GUCY1A2: variants seen among roughly 807,000 people sequenced by gnomAD.
GUCY1A2 encodes the protein guanylate cyclase soluble subunit alpha-2.
In GUCY1A2, 27 loss-of-function variants were observed where a neutral mutation model predicts 63.5. The observed-to-expected ratio is 0.43, with a 90% CI of 0.31 to 0.59. GUCY1A2 has a LOEUF of 0.59. Ranked by LOEUF, GUCY1A2 falls within the 20% of genes least tolerant of loss-of-function variation. GUCY1A2 has a pLI of 0.11. For synonymous variants in GUCY1A2, 364 were observed against 343.5 expected (o/e 1.06, Z -0.66); for missense variants, 768 against 913.3 (o/e 0.84, Z 2.05).
At chr11:106,816,053 C>A (rs943706808) in intron 4 of GUCY1A2, among the ~76,000 whole-genome samples, 1 of 150,770 alleles carries the variant, frequency 6.6e-6, no homozygotes, top group Non-Finnish European at 1.5e-5. Flanking sequence ...ACAGTAGCCA[C>A]AGAAAACTGA....
intron 4 of GUCY1A2, among the ~76,000 whole-genome samples, chr11:106,905,228 G>A (rs915941794): frequency 3.3e-5 from 5 of 152,106 alleles, no homozygotes; most frequent in African/African-American, 1.2e-4. Context: ...CTAATAGAAA[G>A]CTGACTCATA....
intron 5 of GUCY1A2, among the ~76,000 whole-genome samples, chr11:106,808,888 A>G (rs1362908239): frequency 1.3e-5 from 2 of 152,150 alleles, no homozygotes; most frequent in Non-Finnish European, 2.9e-5. Flanking sequence ...AATAAATTAT[A>G]AGGGAGTTAA....
chr11:106,947,592 T>A (rs937010490), intron 3 of GUCY1A2, among the ~76,000 whole-genome samples: 1 of 152,026 alleles, frequency 6.6e-6, no homozygotes, highest in African/African-American at 2.4e-5. Context: ...ATTACAAAAA[T>A]TGCTCAAATA....
At position 106,813,093 on chromosome 11, in the gene GUCY1A2, A is replaced by G. The variant is rs200301865; in HGVS notation, c.1207-2615T>C. On this transcript the variant is annotated intron_variant, in intron 4 of 7. Coordinates refer to ENST00000526355, the MANE Select transcript of GUCY1A2 (RefSeq NM_000855.3). ...TAAGCAAAACTATTATAAGAACTACATATTTGTATATAAAAGAATTGTGGA... is the reference window on the plus strand; with the variant it reads ...TAAGCAAAACTATTATAAGAACTACGTATTTGTATATAAAAGAATTGTGGA... Among the ~76,000 whole-genome samples, 3 of 152,158 alleles carry G rather than the reference A, an allele frequency of 2.0e-5. No individual in the cohort carries two copies. The East Asian group carries it at 5.8e-4, about 29-fold the overall frequency.
chr11:106,718,600 T>G (rs1863257475), intron 6 of GUCY1A2, among the ~76,000 whole-genome samples: 1 of 152,158 alleles, frequency 6.6e-6, no homozygotes, highest in African/African-American at 2.4e-5. Context: ...GCCTATAAGC[T>G]GAATCTGAAA....
At chr11:106,781,275 A>G (rs1415672477) in intron 5 of GUCY1A2, among the ~76,000 whole-genome samples, 2 of 152,202 alleles carry the variant, frequency 1.3e-5, no homozygotes, top group Non-Finnish European at 2.9e-5. Flanking sequence ...CGTGAATGGC[A>G]CTGGGTAAGA....
At chr11:106,977,459 C>G (rs1389272299) in intron 3 of GUCY1A2, among the ~76,000 whole-genome samples, 1 of 152,172 alleles carries the variant, frequency 6.6e-6, no homozygotes, top group East Asian at 1.9e-4. Context: ...AGACAAACCA[C>G]TAACATCTAT....
At chr11:106,966,196 C>A (rs572667121) in intron 3 of GUCY1A2, among the ~76,000 whole-genome samples, 227 of 152,228 alleles carry the variant, frequency 1.5e-3, no homozygotes, top group African/African-American at 5.3e-3. Context: ...CAACCTCTGC[C>A]TCCTGGGTTC....
At chr11:106,764,822 T>A (rs1469033276) in intron 6 of GUCY1A2, among the ~76,000 whole-genome samples, 1 of 152,050 alleles carries the variant, frequency 6.6e-6, no homozygotes, top group Non-Finnish European at 1.5e-5. Flanking sequence ...CAAAGCTTTT[T>A]TCTTTTTTCC....
intron 7 of GUCY1A2, among the ~76,000 whole-genome samples, chr11:106,700,442 GAGAT>G (rs1167748584): frequency 3.9e-5 from 6 of 152,130 alleles, no homozygotes; most frequent in Non-Finnish European, 5.9e-5. Flanking sequence ...GACAAAGAAA[GAGAT>G]AGTAAAAAGA....
intron 5 of GUCY1A2, among the ~76,000 whole-genome samples, chr11:106,802,248 T>A (rs1274080706): frequency 6.6e-6 from 1 of 152,160 alleles, no homozygotes; most frequent in Non-Finnish European, 1.5e-5. Context: ...ACCCTATGTA[T>A]AAACTAAAGG....
chr11:106,925,818 C>A (rs1201716845), intron 4 of GUCY1A2, among the ~76,000 whole-genome samples: 2 of 152,064 alleles, frequency 1.3e-5, no homozygotes, highest in African/African-American at 4.8e-5. Context: ...CAAGAAAAAT[C>A]AATCCAAACA....
intron 4 of GUCY1A2, among the ~76,000 whole-genome samples, chr11:106,821,840 TATC>T (rs1054600566): frequency 2.0e-5 from 3 of 152,320 alleles, no homozygotes; most frequent in East Asian, 1.9e-4. Flanking sequence ...TATTTTATGT[TATC>T]ATTAAATTAT....
At chr11:106,940,485 C>G (rs1860738423) in intron 3 of GUCY1A2, among the ~76,000 whole-genome samples, 1 of 152,126 alleles carries the variant, frequency 6.6e-6, no homozygotes, top group Non-Finnish European at 1.5e-5. Flanking sequence ...ACAGTTATTT[C>G]CCATATCTCT....
intron 5 of GUCY1A2, among the ~76,000 whole-genome samples, chr11:106,791,777 C>T (rs980302521): frequency 1.3e-5 from 2 of 152,146 alleles, no homozygotes; most frequent in Admixed American, 1.3e-4. Context: ...CTGAAAGTAT[C>T]CCCAGTCCTC....
At chr11:106,746,580 G>A (rs753691124) in intron 6 of GUCY1A2, 1 of 1,595,844 alleles carries the variant, frequency 6.3e-7, no homozygotes, top group East Asian at 2.2e-5. Context: ...GTTTCACTTT[G>A]ATGCTGATCT....
chr11:106,991,524 C>T (rs1207862563), intron 1 of GUCY1A2, among the ~76,000 whole-genome samples: 1 of 152,128 alleles, frequency 6.6e-6, no homozygotes, highest in Non-Finnish European at 1.5e-5. Context: ...TGTGTCGTTA[C>T]GGTTGAAACC....
chr11:106,700,339 CAG>C (rs2135343015), intron 7 of GUCY1A2, among the ~76,000 whole-genome samples: 1 of 152,168 alleles, frequency 6.6e-6, no homozygotes, highest in East Asian at 1.9e-4. Flanking sequence ...CCAAAAAAGA[CAG>C]ACTTATTTTT....
intron 7 of GUCY1A2, among the ~76,000 whole-genome samples, chr11:106,698,138 T>TTTTTTTTTTTTTTA (rs1555020237): frequency 6.9e-6 from 1 of 145,754 alleles, no homozygotes; most frequent in African/African-American, 2.6e-5. Flanking sequence ...TTTTTTTTTT[T>TTTTTTTTTTTTTTA]AGACAGGGTC....
Sources: gnomAD v4.1 joint callset for allele counts (sites outside exome capture counted in the v4.1 genomes callset) on GRCh38, gnomAD v4.1.1 for gene constraint, MANE v1.5 for transcripts, NCBI Gene and HGNC (gene_info 2026-07-23, HGNC 2026-07-21) for gene names.